CYRIB: variants seen among roughly 807,000 people sequenced by gnomAD.
CYRIB encodes CYFIP related Rac1 interactor B.
CYRIB carries 8 observed loss-of-function variants against 44.2 expected under a neutral mutation model. That is an observed-to-expected ratio of 0.18 (90% confidence interval 0.11 to 0.33). The LOEUF (loss-of-function observed/expected upper bound fraction) is 0.33, where lower values mean the gene tolerates loss of function less well. Among genes scored for constraint, CYRIB ranks in the 10% least tolerant of loss-of-function variants. The probability of loss-of-function intolerance (pLI) is 1.00; values close to 1 mark genes in which losing one functional copy is unlikely to be tolerated. For synonymous variants in CYRIB, 131 were observed against 127.2 expected, an observed-to-expected ratio of 1.03 and a Z score of -0.20; for missense variants, 185 against 382.8, an observed-to-expected ratio of 0.48 and a Z score of 4.31.
chr8:129,866,764 C>A (rs1208100931), intron 4 of CYRIB, among the ~76,000 whole-genome samples: 2 of 152,174 alleles, frequency 1.3e-5, no homozygotes, highest in African/African-American at 4.8e-5. Context: ...ACAGAGATAA[C>A]CATTTCCCTG....
At chr8:129,988,181 C>CTAGTCG (rs2096532917) in intron 1 of CYRIB, among the ~76,000 whole-genome samples, 1 of 152,202 alleles carries the variant, frequency 6.6e-6, no homozygotes, top group Non-Finnish European at 1.5e-5. Context: ...TACGAAACTG[C>CTAGTCG]TACGTGATAC....
At chr8:129,996,728 C>A (rs570485913) in intron 1 of CYRIB, among the ~76,000 whole-genome samples, 1 of 152,136 alleles carries the variant, frequency 6.6e-6, no homozygotes, top group Non-Finnish European at 1.5e-5. Flanking sequence ...CTCCCTCCCC[C>A]ACAGCCCGCA....
chr8:129,923,045 CA>C (rs1450832513), intron 1 of CYRIB, among the ~76,000 whole-genome samples: 1 of 145,380 alleles, frequency 6.9e-6, no homozygotes, highest in African/African-American at 2.6e-5. Flanking sequence ...GCCTGACCAT[CA>C]GGGGAAACCC....
At chr8:129,937,216 A>G (rs2092973057) in intron 1 of CYRIB, among the ~76,000 whole-genome samples, 1 of 152,240 alleles carries the variant, frequency 6.6e-6, no homozygotes, top group African/African-American at 2.4e-5. Context: ...GTAGTTACAG[A>G]AAAGAAGAGA....
chr8:129,887,396 T>C (rs756457426), intron 2 of CYRIB, among the ~76,000 whole-genome samples: 1 of 152,234 alleles, frequency 6.6e-6, no homozygotes. Context: ...TGGACATGCC[T>C]GGATGTTCAG....
At chr8:129,928,550 T>C (rs1396831448) in intron 1 of CYRIB, among the ~76,000 whole-genome samples, 2 of 151,754 alleles carry the variant, frequency 1.3e-5, no homozygotes, top group Non-Finnish European at 2.9e-5. Flanking sequence ...GTCCCAGCCC[T>C]TTGGGAGGCT....
At chr8:129,877,445 T>C (rs1669111507) in intron 3 of CYRIB, among the ~76,000 whole-genome samples, 1 of 152,018 alleles carries the variant, frequency 6.6e-6, no homozygotes, top group African/African-American at 2.4e-5. Flanking sequence ...CTCAGGAGTT[T>C]GAGACCAGCC....
At chr8:129,858,396 C>G (rs568634902) in intron 5 of CYRIB, among the ~76,000 whole-genome samples, 1 of 152,276 alleles carries the variant, frequency 6.6e-6, no homozygotes, top group South Asian at 2.1e-4. Context: ...GCCAAAACCA[C>G]AGAAGGAGGT....
intron 1 of CYRIB, among the ~76,000 whole-genome samples, chr8:129,935,142 A>C (rs922527707): frequency 2.6e-5 from 4 of 152,200 alleles, no homozygotes; most frequent in Non-Finnish European, 5.9e-5. Context: ...ATGACATATT[A>C]CGTCACATTA....
intron 1 of CYRIB, among the ~76,000 whole-genome samples, chr8:129,995,003 AAG>A (rs1228017740): frequency 6.6e-6 from 1 of 152,234 alleles, no homozygotes; most frequent in East Asian, 1.9e-4. Context: ...GGCTGCGAGA[AAG>A]AATGTGTGGT....
exon 12 of CYRIB, chr8:129,839,744 T>C (rs1389865289): frequency 6.6e-6 from 1 of 152,186 alleles, no homozygotes; most frequent in African/African-American, 2.4e-5. Context: ...GGTGAGTAAA[T>C]TGGCCCACAG....
intron 2 of CYRIB, among the ~76,000 whole-genome samples, chr8:129,900,965 C>T (rs1254399780): frequency 1.3e-5 from 2 of 152,240 alleles, no homozygotes; most frequent in South Asian, 2.1e-4. Context: ...TGTGCCACCA[C>T]GCGCCCAGCC....
intron 1 of CYRIB, among the ~76,000 whole-genome samples, chr8:129,980,227 C>CAAAAAAAAA (rs58630436): frequency 1.1e-5 from 1 of 91,782 alleles, no homozygotes; most frequent in Non-Finnish European, 2.3e-5. Context: ...GACTCCATCT[C>CAAAAAAAAA]AAAAAAAAAA....
chr8:129,852,816 C>G (rs2044047026), intron 7 of CYRIB, among the ~76,000 whole-genome samples: 1 of 152,130 alleles, frequency 6.6e-6, no homozygotes, highest in African/African-American at 2.4e-5. Context: ...GGGGCTGCAA[C>G]CAACGAAAGA....
intron 1 of CYRIB, among the ~76,000 whole-genome samples, chr8:129,987,989 A>T (rs2096526185): frequency 6.6e-6 from 1 of 152,172 alleles, no homozygotes; most frequent in Admixed American, 6.5e-5. Context: ...CTTCAATGTA[A>T]AGTTTTTGTA....
intron 5 of CYRIB, among the ~76,000 whole-genome samples, chr8:129,856,462 A>C (rs998265280): frequency 1.3e-5 from 2 of 152,178 alleles, no homozygotes; most frequent in African/African-American, 4.8e-5. Context: ...TTTCATTTCA[A>C]TATTTCAAAA....
intron 1 of CYRIB, among the ~76,000 whole-genome samples, chr8:130,006,157 G>A (rs1222450628): frequency 2.0e-5 from 3 of 151,620 alleles, no homozygotes; most frequent in Admixed American, 2.0e-4. Context: ...ACAAAAATTA[G>A]CCGGGCATGG....
intron 1 of CYRIB, among the ~76,000 whole-genome samples, chr8:129,934,020 C>T (rs977253107): frequency 6.6e-6 from 1 of 151,998 alleles, no homozygotes; most frequent in Non-Finnish European, 1.5e-5. Context: ...TGTACTAGTA[C>T]CTTTGGGGCC....
intron 10 of CYRIB, among the ~76,000 whole-genome samples, chr8:129,847,798 T>C (rs1342550994): frequency 2.0e-5 from 3 of 152,184 alleles, no homozygotes; most frequent in Non-Finnish European, 4.4e-5. Context: ...TTCTACCTTT[T>C]CTAGCAACTC....
Sources: gnomAD v4.1 joint callset for allele counts (sites outside exome capture counted in the v4.1 genomes callset) on GRCh38, gnomAD v4.1.1 for gene constraint, MANE v1.5 for transcripts, NCBI Gene and HGNC (gene_info 2026-07-23, HGNC 2026-07-21) for gene names.